The following NMNAT3 variants were observed in gnomAD, a reference collection of about 807,000 sequenced individuals.
NMNAT3 encodes nicotinamide/nicotinic acid mononucleotide adenylyltransferase 3.
A neutral mutation model predicts 24.8 loss-of-function variants in NMNAT3; 21 were observed. The observed-to-expected ratio is 0.85, with a 90% CI of 0.60 to 1.22. The LOEUF is 1.22. Among genes scored for constraint, NMNAT3 ranks in the 50% most tolerant of loss-of-function variants. The probability of loss-of-function intolerance (pLI) is 0.00; values close to 1 mark genes in which losing one functional copy is unlikely to be tolerated. For synonymous variants in NMNAT3, 136 were observed against 155.2 expected (o/e 0.88, Z 0.92); for missense variants, 387 against 436.6 (o/e 0.89, Z 1.01).
intron 3 of NMNAT3, among the ~76,000 whole-genome samples, chr3:139,620,481 T>C (rs1022983819): frequency 2.6e-5 from 4 of 152,192 alleles, no homozygotes; most frequent in Admixed American, 1.3e-4. Flanking sequence ...TCAAAATTCA[T>C]GTCTACTGCT....
chr3:139,620,922 T>G (rs1310819747), intron 3 of NMNAT3, among the ~76,000 whole-genome samples: 1 of 152,148 alleles, frequency 6.6e-6, no homozygotes, highest in Admixed American at 6.6e-5. Context: ...GCATCCTGAG[T>G]AGCTAGGACC....
At chr3:139,646,705 C>T (rs951042527) in intron 1 of NMNAT3, among the ~76,000 whole-genome samples, 10 of 152,098 alleles carry the variant, frequency 6.6e-5, no homozygotes, top group Non-Finnish European at 1.3e-4. Context: ...TAATGCTGAG[C>T]GATGCAGTTT....
intron 3 of NMNAT3, among the ~76,000 whole-genome samples, chr3:139,605,501 C>T (rs929260308): frequency 7.2e-5 from 11 of 152,136 alleles, no homozygotes; most frequent in African/African-American, 2.4e-4. Flanking sequence ...AGATGCTTTT[C>T]AGCTCTAAAG....
chr3:139,654,583 T>C (rs1247127353), intron 1 of NMNAT3, among the ~76,000 whole-genome samples: 2 of 152,228 alleles, frequency 1.3e-5, no homozygotes, highest in East Asian at 3.8e-4. Flanking sequence ...ATTATGTTTC[T>C]AGGGCCAATT....
At chr3:139,591,122 C>T (rs988275870) in intron 3 of NMNAT3, among the ~76,000 whole-genome samples, 1 of 150,800 alleles carries the variant, frequency 6.6e-6, no homozygotes, top group Non-Finnish European at 1.5e-5. Context: ...GCACCGTGCG[C>T]GAGCCGAAGC....
chr3:139,579,189 G>A (rs1388002287), intron 4 of NMNAT3, 134 bp from the exon 5 acceptor site: 7 of 711,864 alleles, frequency 9.8e-6, no homozygotes, highest in Non-Finnish European at 1.7e-5. Flanking sequence ...CTCTCATGGG[G>A]GAGAAAGGGT....
intron 3 of NMNAT3, among the ~76,000 whole-genome samples, chr3:139,596,269 A>T (rs1251304648): frequency 2.0e-5 from 3 of 151,986 alleles, no homozygotes; most frequent in African/African-American, 7.3e-5. Flanking sequence ...GCCTACCATA[A>T]TTTTTTTCTC....
intron 3 of NMNAT3, among the ~76,000 whole-genome samples, chr3:139,627,271 G>T (rs1336828001): frequency 6.6e-6 from 1 of 152,120 alleles, no homozygotes; most frequent in Non-Finnish European, 1.5e-5. Context: ...TAAGGCACAT[G>T]CTACCTATTC....
intron 6 of NMNAT3, among the ~76,000 whole-genome samples, chr3:139,561,974 T>C (rs1451499307): frequency 6.6e-6 from 1 of 151,936 alleles, no homozygotes; most frequent in Non-Finnish European, 1.5e-5. Context: ...AACAAAGCTC[T>C]AGAACAATGC....
At chr3:139,671,931 A>C (rs935768570) in intron 1 of NMNAT3, among the ~76,000 whole-genome samples, 5 of 152,006 alleles carry the variant, frequency 3.3e-5, no homozygotes, top group African/African-American at 2.4e-5. Context: ...TGACACTGAC[A>C]CTCATTCACT....
intron 3 of NMNAT3, chr3:139,583,537 A>C (rs1292362466): frequency 2.4e-6 from 3 of 1,230,204 alleles, no homozygotes; most frequent in Non-Finnish European, 3.6e-6. Context: ...TTGTTTCCAC[A>C]AAGTTTGAAT....
intron 3 of NMNAT3, among the ~76,000 whole-genome samples, chr3:139,620,760 T>A (rs543679009): frequency 6.6e-6 from 1 of 152,262 alleles, no homozygotes; most frequent in South Asian, 2.1e-4. Context: ...GTTGTCCTGA[T>A]ATCACCGTCT....
chr3:139,623,937 G>A (rs147608269), intron 3 of NMNAT3, among the ~76,000 whole-genome samples: 64 of 152,202 alleles, frequency 4.2e-4, no homozygotes, highest in African/African-American at 7.2e-5. Flanking sequence ...TTACACCAGC[G>A]TCACCACAAA....
intron 1 of NMNAT3, among the ~76,000 whole-genome samples, chr3:139,649,674 G>A (rs2056991323): frequency 6.6e-6 from 1 of 152,132 alleles, no homozygotes; most frequent in Non-Finnish European, 1.5e-5. Flanking sequence ...GTGTTTGTGA[G>A]TTGCACACCA....
intron 3 of NMNAT3, among the ~76,000 whole-genome samples, 169 bp downstream of exon 4, chr3:139,627,447 G>A (rs1273672585): frequency 6.6e-6 from 1 of 152,152 alleles, no homozygotes; most frequent in East Asian, 1.9e-4. Context: ...TTGTACATAT[G>A]TCACAAGACT....
At chr3:139,651,072 A>G (rs1279386864) in intron 1 of NMNAT3, among the ~76,000 whole-genome samples, 1 of 152,208 alleles carries the variant, frequency 6.6e-6, no homozygotes, top group Non-Finnish European at 1.5e-5. Flanking sequence ...CAATATGAAC[A>G]TTTCTATTGT....
chr3:139,640,129 G>T (rs1178812667), intron 1 of NMNAT3, among the ~76,000 whole-genome samples: 3 of 152,160 alleles, frequency 2.0e-5, no homozygotes, highest in Non-Finnish European at 4.4e-5. Flanking sequence ...CTGAAACTGT[G>T]CATGCATAAG....
At chr3:139,658,264 C>A (rs2057308751) in intron 1 of NMNAT3, among the ~76,000 whole-genome samples, 1 of 152,180 alleles carries the variant, frequency 6.6e-6, no homozygotes, top group African/African-American at 2.4e-5. Flanking sequence ...GAAGGAAGTA[C>A]CCTTGGCATT....
At chr3:139,597,365 G>A (rs1291939313) in intron 3 of NMNAT3, among the ~76,000 whole-genome samples, 1 of 152,106 alleles carries the variant, frequency 6.6e-6, no homozygotes, top group Non-Finnish European at 1.5e-5. Context: ...GTATTGAGAT[G>A]ATGATTTAAG....
Sources: gnomAD v4.1 joint callset for allele counts (sites outside exome capture counted in the v4.1 genomes callset) on GRCh38, gnomAD v4.1.1 for gene constraint, MANE v1.5 for transcripts, NCBI Gene and HGNC (gene_info 2026-07-23, HGNC 2026-07-21) for gene names.